The following GNG7 variants were observed in gnomAD, a reference collection of about 807,000 sequenced individuals.
GNG7 encodes the protein G protein subunit gamma 7, also known as guanine nucleotide-binding protein G(I)/G(S)/G(O) subunit gamma-7.
A neutral mutation model predicts 4.0 loss-of-function variants in GNG7; 1 was observed. The observed-to-expected ratio is 0.25, with a 90% CI of 0.09 to 1.18. The LOEUF (loss-of-function observed/expected upper bound fraction) is 1.18. Ranked by LOEUF, GNG7 falls within the 50% of genes most tolerant of loss-of-function variation. GNG7 has a pLI of 0.50. For missense variants in GNG7, 86 were observed against 91.9 expected, an observed-to-expected ratio of 0.94 and a Z score of 0.26; for synonymous variants, 34 against 36.9, an observed-to-expected ratio of 0.92 and a Z score of 0.29.
At chr19:2,645,562 A>T (rs200863679) in intron 2 of GNG7, among the ~76,000 whole-genome samples, 17 of 151,646 alleles carry the variant, frequency 1.1e-4, no homozygotes, top group South Asian at 2.1e-4. Context: ...TTAAAAAAAA[A>T]TTTTGTTTTA....
chr19:2,702,396 G>A (rs1396721888), intron 1 of GNG7, among the ~76,000 whole-genome samples: 3 of 82,030 alleles, frequency 3.7e-5, no homozygotes, highest in Admixed American at 3.2e-4. Flanking sequence ...AGCTAGCCCT[G>A]AGCCCCAAGT....
At chr19:2,688,336 G>A (rs1298219005) in intron 1 of GNG7, among the ~76,000 whole-genome samples, 1 of 152,172 alleles carries the variant, frequency 6.6e-6, no homozygotes, top group East Asian at 1.9e-4. Flanking sequence ...AGTGCTCTGG[G>A]GAAGTGGGGA....
In GNG7 at chr19:2,653,796, G is replaced by A. The variant is rs1157301614; in HGVS notation, c.-134-7516C>T. On this transcript the variant is annotated intron_variant, in intron 1 of 4. Coordinates refer to ENST00000382159, the MANE Select transcript of GNG7 (RefSeq NM_052847.3). The surrounding 1 kb of genome is among the most constrained non-coding windows in gnomAD (Gnocchi z 4.8). ...ATGGTGCCCTTGAGGCCCAGGGCCC[G>A]TGTCCCCTCCTCACTCAGCCCTCCT... Among the ~76,000 whole-genome samples the A allele has an allele frequency of 3.9e-5, 6 of 152,158 alleles. No homozygotes were observed. Among genetic ancestry groups the A allele is most frequent in the African/African-American group, 7.2e-5 (3 of 41,434 alleles).
rs1350825207 is a variant in GNG7, at chr19:2,633,698, G to A, written c.-78+12526C>T. Among the ~76,000 whole-genome samples, 2 of 152,008 alleles carry A rather than the reference G, an allele frequency of 1.3e-5. No individual in the cohort carries two copies. The highest frequency in any genetic ancestry group is 3.9e-4 in the East Asian group (2 of 5,164). ...GACATCGGTGGGCTTGAAAACGGGT[G>A]TCTGTTTACCGGGGCTTGAGTGGGA... On this transcript the variant is annotated intron_variant, in intron 2 of 4. Coordinates refer to ENST00000382159, the MANE Select transcript of GNG7 (RefSeq NM_052847.3). This position sits in a 1 kb window ranked among gnomAD's most constrained non-coding sequence, Gnocchi z 5.9.
At chr19:2,651,572 T>C (rs1426426125) in intron 1 of GNG7, among the ~76,000 whole-genome samples, 1 of 145,998 alleles carries the variant, frequency 6.8e-6, no homozygotes, top group Non-Finnish European at 1.5e-5. Context: ...TCTCTCTCTC[T>C]CTCTTTTTTT....
At chr19:2,608,009 C>G (rs1371687989) in intron 2 of GNG7, among the ~76,000 whole-genome samples, 3 of 144,072 alleles carry the variant, frequency 2.1e-5, no homozygotes, top group Non-Finnish European at 4.5e-5. Context: ...CGACCTGAGA[C>G]GCAGCTCTTT....
chr19:2,691,430 G>A (rs1028178178), intron 1 of GNG7, among the ~76,000 whole-genome samples: 1 of 152,066 alleles, frequency 6.6e-6, no homozygotes, highest in Non-Finnish European at 1.5e-5. Context: ...TATAGTCCCA[G>A]CTACTCAGGA....
intron 3 of GNG7, among the ~76,000 whole-genome samples, chr19:2,551,469 C>CA (rs1019956799): frequency 6.7e-6 from 1 of 149,722 alleles, no homozygotes; most frequent in Non-Finnish European, 1.5e-5. Flanking sequence ...TAGGGAACGC[C>CA]AAAAAGCCCT....
chr19:2,577,904 A>G (rs1980391328), intron 2 of GNG7, among the ~76,000 whole-genome samples: 1 of 150,880 alleles, frequency 6.6e-6, no homozygotes, highest in African/African-American at 2.4e-5. Context: ...CAATGGCGCA[A>G]TCACAGCTCA....
intron 1 of GNG7, among the ~76,000 whole-genome samples, chr19:2,681,778 A>T (rs1983742626): frequency 6.6e-6 from 1 of 151,822 alleles, no homozygotes; most frequent in African/African-American, 2.4e-5. Context: ...AGCCCTTGTG[A>T]TTGTTTGTTG....
At chr19:2,697,774 G>T (rs1395591517) in intron 1 of GNG7, among the ~76,000 whole-genome samples, 1 of 147,924 alleles carries the variant, frequency 6.8e-6, no homozygotes, top group Non-Finnish European at 1.5e-5. Context: ...GGCCAACATG[G>T]TGAGGGCCCC....
At position 2,633,168 on chromosome 19, in the gene GNG7, G is replaced by A. The variant is rs955762151; in HGVS notation, c.-78+13056C>T. Among the ~76,000 whole-genome samples the A allele has an allele frequency of 2.6e-5, 4 of 152,218 alleles. No homozygotes were observed. The South Asian group carries it at 6.2e-4, about 24-fold the overall frequency. On this transcript the variant is annotated intron_variant, in intron 2 of 4. Coordinates refer to ENST00000382159, the MANE Select transcript of GNG7 (RefSeq NM_052847.3). The surrounding 1 kb of genome is among the most constrained non-coding windows in gnomAD (Gnocchi z 5.9). ...GGTTCACTAAAACGATGAAGCGGAT[G>A]GGAGGAAAATTAGCATCCAACGGGC...
intron 2 of GNG7, among the ~76,000 whole-genome samples, chr19:2,583,453 C>T (rs756147063): frequency 4.6e-5 from 7 of 152,204 alleles, no homozygotes; most frequent in Non-Finnish European, 1.0e-4. Flanking sequence ...CAAGAGCTCT[C>T]ACCTTCGACT....
rs145774005 is a variant in GNG7, at chr19:2,607,085, G to A, written c.-78+39139C>T. On this transcript the variant is annotated intron_variant, in intron 2 of 4. Transcript: ENST00000382159. Reference sequence around the variant, plus strand: ...AAAATTTAAAAATTAGCTGGGCATGGTGGTGTGTGTCTGTAGTCCCAGCTA... The same window carrying A: ...AAAATTTAAAAATTAGCTGGGCATGATGGTGTGTGTCTGTAGTCCCAGCTA... Among the ~76,000 whole-genome samples, 20 of 152,004 alleles carry A rather than the reference G, an allele frequency of 1.3e-4. No individual in the cohort carries two copies. In the East Asian group the frequency reaches 3.1e-3, roughly 24 times the overall value.
intron 2 of GNG7, among the ~76,000 whole-genome samples, chr19:2,569,337 G>T (rs1050424019): frequency 1.3e-5 from 2 of 152,046 alleles, no homozygotes; most frequent in African/African-American, 4.8e-5. Flanking sequence ...GTGCAGTGGC[G>T]CGATCTCGGC....
intron 1 of GNG7, among the ~76,000 whole-genome samples, chr19:2,665,680 G>A (rs549101296): frequency 5.9e-5 from 9 of 152,176 alleles, no homozygotes; most frequent in South Asian, 2.1e-4. Context: ...TGCCACTGTC[G>A]CTGTGCCTCA....
At chr19:2,666,374 T>C (rs996218224) in intron 1 of GNG7, among the ~76,000 whole-genome samples, 3 of 152,156 alleles carry the variant, frequency 2.0e-5, no homozygotes, top group African/African-American at 4.8e-5. Flanking sequence ...GGTTTCGCCA[T>C]GTCGGCCAGG....
intron 3 of GNG7, among the ~76,000 whole-genome samples, chr19:2,532,291 C>T (rs531483962): frequency 5.9e-5 from 9 of 152,010 alleles, no homozygotes; most frequent in South Asian, 4.2e-4. Context: ...TTGGAATTTT[C>T]GCTGCAAATT....
At chr19:2,622,130 A>G (rs2144833590) in intron 2 of GNG7, among the ~76,000 whole-genome samples, 1 of 150,702 alleles carries the variant, frequency 6.6e-6, no homozygotes, top group South Asian at 2.1e-4. Context: ...CCCAGGCTGG[A>G]GTGCAGTGGC....
Sources: allele counts gnomAD v4.1 joint callset (sites outside exome capture counted in the v4.1 genomes callset), GRCh38; gene constraint gnomAD v4.1.1; non-coding constraint Gnocchi (gnomAD v3.1); transcripts MANE v1.5; gene names NCBI Gene and HGNC (gene_info 2026-07-23, HGNC 2026-07-21).